The following ZBTB20 variants were observed in gnomAD, a reference collection of about 807,000 sequenced individuals.
ZBTB20 encodes zinc finger and BTB domain containing 20.
ZBTB20 carries 9 observed loss-of-function variants against 56.9 expected under a neutral mutation model. The observed-to-expected ratio is 0.16, with a 90% CI of 0.10 to 0.28. ZBTB20 has a LOEUF of 0.28. ZBTB20 is among the 10% of genes least tolerant of loss of function. The probability of loss-of-function intolerance (pLI) is 1.00; values close to 1 mark genes in which losing one functional copy is unlikely to be tolerated. For synonymous variants in ZBTB20, 417 were observed against 420.7 expected (o/e 0.99, Z 0.11); for missense variants, 655 against 1,003.0 (o/e 0.65, Z 4.69).
chr3:115,125,558 C>A (rs1576814993), intron 1 of ZBTB20, among the ~76,000 whole-genome samples: 1 of 151,942 alleles, frequency 6.6e-6, no homozygotes, highest in Non-Finnish European at 1.5e-5. Flanking sequence ...ATGGTGACTA[C>A]CAGGAGATGG....
intron 6 of ZBTB20, among the ~76,000 whole-genome samples, chr3:114,505,924 G>C (rs1417475499): frequency 1.3e-5 from 2 of 152,184 alleles, no homozygotes; most frequent in East Asian, 3.9e-4. Context: ...CATGCATCTT[G>C]AATTTGGGAG....
intron 1 of ZBTB20, among the ~76,000 whole-genome samples, chr3:115,079,387 T>TTTAC (rs2082714520): frequency 6.6e-6 from 1 of 151,498 alleles, no homozygotes; most frequent in Admixed American, 6.6e-5. Flanking sequence ...TTCTTATTTA[T>TTTAC]TTATTTATTT....
intron 6 of ZBTB20, among the ~76,000 whole-genome samples, chr3:114,655,532 G>A (rs562283509): frequency 2.3e-4 from 35 of 152,260 alleles, no homozygotes; most frequent in African/African-American, 8.4e-4. Flanking sequence ...GATTACAGGC[G>A]TGAGCCACCG....
chr3:115,071,791 C>T (rs2082418517), intron 1 of ZBTB20, among the ~76,000 whole-genome samples: 1 of 152,180 alleles, frequency 6.6e-6, no homozygotes, highest in African/African-American at 2.4e-5. Flanking sequence ...TGTTCTTGTG[C>T]ATCCAGGCAG....
chr3:114,582,583 T>C (rs2107495516), intron 6 of ZBTB20, among the ~76,000 whole-genome samples: 1 of 152,306 alleles, frequency 6.6e-6, no homozygotes, highest in East Asian at 1.9e-4. Flanking sequence ...TTCTGCCATG[T>C]TGGCCAGGCT....
chr3:114,775,204 G>A (rs1164355233), intron 5 of ZBTB20, among the ~76,000 whole-genome samples: 1 of 151,654 alleles, frequency 6.6e-6, no homozygotes, highest in Non-Finnish European at 1.5e-5. Flanking sequence ...CACAGTCCTG[G>A]GCTTCACCAT....
chr3:114,455,173 G>A (rs1050226994), intron 7 of ZBTB20, among the ~76,000 whole-genome samples: 3 of 151,822 alleles, frequency 2.0e-5, no homozygotes, highest in Admixed American at 1.3e-4. Flanking sequence ...GAGAGAGCGC[G>A]AGAGGGAGAG....
chr3:114,423,850 C>A (rs1433922650), intron 7 of ZBTB20, among the ~76,000 whole-genome samples: 1 of 152,168 alleles, frequency 6.6e-6, no homozygotes. Flanking sequence ...TAAAAATGAT[C>A]TGTAGAGCTT....
At chr3:114,709,417 G>C (rs1423362578) in intron 5 of ZBTB20, among the ~76,000 whole-genome samples, 1 of 152,144 alleles carries the variant, frequency 6.6e-6, no homozygotes, top group Non-Finnish European at 1.5e-5. Flanking sequence ...ATAAAACAGA[G>C]AAAGGCTGAA....
At chr3:114,924,511 G>A (rs1439222250) in intron 3 of ZBTB20, among the ~76,000 whole-genome samples, 1 of 152,166 alleles carries the variant, frequency 6.6e-6, no homozygotes, top group Non-Finnish European at 1.5e-5. Context: ...TTATAAAAAG[G>A]TGAATCTCAT....
At chr3:114,847,004 T>C (rs2074737794) in intron 4 of ZBTB20, among the ~76,000 whole-genome samples, 1 of 152,196 alleles carries the variant, frequency 6.6e-6, no homozygotes, top group Admixed American at 6.5e-5. Flanking sequence ...AAAAATATCT[T>C]AGTCCAAGAA....
chr3:114,572,870 G>A (rs1472414600), intron 6 of ZBTB20, among the ~76,000 whole-genome samples: 2 of 152,112 alleles, frequency 1.3e-5, no homozygotes, highest in Non-Finnish European at 2.9e-5. Context: ...CAGAGCAACC[G>A]AGATTCTATT....
intron 3 of ZBTB20, among the ~76,000 whole-genome samples, chr3:114,969,220 C>T (rs1272068720): frequency 6.6e-6 from 1 of 152,008 alleles, no homozygotes; most frequent in Non-Finnish European, 1.5e-5. Flanking sequence ...CATAAATATT[C>T]GCTAGAAAAT....
At chr3:114,593,436 G>A (rs1339432757) in intron 6 of ZBTB20, among the ~76,000 whole-genome samples, 1 of 149,770 alleles carries the variant, frequency 6.7e-6, no homozygotes, top group Non-Finnish European at 1.5e-5. Context: ...CCAGGCTGGA[G>A]TGCAATGGCG....
intron 6 of ZBTB20, among the ~76,000 whole-genome samples, chr3:114,654,259 G>A (rs958740190): frequency 6.6e-6 from 1 of 151,608 alleles, no homozygotes; most frequent in Non-Finnish European, 1.5e-5. Flanking sequence ...TTTCTGCTAA[G>A]CTTCTCTCTG....
chr3:115,045,948 T>C (rs2081318235), intron 2 of ZBTB20, among the ~76,000 whole-genome samples: 2 of 152,206 alleles, frequency 1.3e-5, no homozygotes, highest in African/African-American at 4.8e-5. Context: ...AAGAATGCCA[T>C]TGTTTACAAT....
At chr3:114,423,648 T>C (rs906982700) in intron 7 of ZBTB20, among the ~76,000 whole-genome samples, 1 of 152,196 alleles carries the variant, frequency 6.6e-6, no homozygotes, top group Non-Finnish European at 1.5e-5. Flanking sequence ...GTATGAGGGA[T>C]TGAGTTGAGT....
At chr3:115,006,460 G>GAT (rs142153634) in intron 2 of ZBTB20, among the ~76,000 whole-genome samples, 17,300 of 144,130 alleles carry the variant, frequency 0.12, 1,012 homozygotes, top group Admixed American at 0.19. Context: ...TATCCAGTTG[G>GAT]ATATATATAT....
chr3:114,649,462 T>C (rs1431883325), intron 6 of ZBTB20, among the ~76,000 whole-genome samples: 5 of 151,860 alleles, frequency 3.3e-5, no homozygotes, highest in Non-Finnish European at 7.4e-5. Context: ...ACTAACAATG[T>C]TGCAGATCTA....
Sources: gnomAD v4.1 joint callset for allele counts (sites outside exome capture counted in the v4.1 genomes callset) on GRCh38, gnomAD v4.1.1 for gene constraint, MANE v1.5 for transcripts, NCBI Gene and HGNC (gene_info 2026-07-23, HGNC 2026-07-21) for gene names.